The following RBFOX1 variants were observed in gnomAD, a reference collection of about 807,000 sequenced individuals.
The protein encoded by RBFOX1 is RNA binding fox-1 homolog 1.
Under a neutral mutation model 57.7 loss-of-function variants are expected in RBFOX1, and 8 were observed. That is an observed-to-expected ratio of 0.14 (90% CI 0.08 to 0.25). The LOEUF (loss-of-function observed/expected upper bound fraction) is 0.25. Ranked by LOEUF, RBFOX1 falls within the 10% of genes least tolerant of loss-of-function variation. The pLI is 1.00. For synonymous variants in RBFOX1, 326 were observed against 222.4 expected (o/e 1.47, Z -4.15); for missense variants, 611 against 548.5 (o/e 1.11, Z -1.14).
chr16:7,150,135 G>T (rs1231194807), intron 4 of RBFOX1, among the ~76,000 whole-genome samples: 1 of 152,022 alleles, frequency 6.6e-6, no homozygotes, highest in Non-Finnish European at 1.5e-5. Flanking sequence ...GGCTTTCATG[G>T]TCTGTTGATG....
chr16:6,547,112 A>G lies in RBFOX1; in HGVS notation c.-63-107491A>G, dbSNP rs758333549. Among the ~76,000 whole-genome samples, 3 of 152,306 alleles carry G rather than the reference A, an allele frequency of 2.0e-5. No individual in the cohort carries two copies. In the South Asian group the frequency reaches 6.2e-4, roughly 32 times the overall value. ...CCCTGCCCAACTCTATTGCATTGAG[A>G]ATAAAGTATCTGGCGCTCTTTTACT... On this transcript the variant is annotated intron_variant, in intron 2 of 15. Coordinates refer to ENST00000550418, the MANE Select transcript of RBFOX1 (RefSeq NM_018723.4).
At chr16:7,644,709 A>T (rs1178085909) in intron 11 of RBFOX1, among the ~76,000 whole-genome samples, 3 of 152,220 alleles carry the variant, frequency 2.0e-5, no homozygotes, top group Non-Finnish European at 4.4e-5. Flanking sequence ...AGTCCTCAGG[A>T]CATCCCTATA....
At chr16:5,627,893 G>A (rs969475802) in intron 3 of RBFOX1, among the ~76,000 whole-genome samples, 4 of 152,156 alleles carry the variant, frequency 2.6e-5, no homozygotes, top group East Asian at 3.8e-4. Flanking sequence ...CACAAGGGGG[G>A]TCCTGGAACA....
intron 4 of RBFOX1, among the ~76,000 whole-genome samples, chr16:7,312,537 A>T (rs2096339411): frequency 6.6e-6 from 1 of 152,130 alleles, no homozygotes; most frequent in Admixed American, 6.5e-5. Flanking sequence ...GACACAAGGG[A>T]CTTGGGTGTC....
chr16:6,981,438 T>A (rs11864369), intron 3 of RBFOX1, among the ~76,000 whole-genome samples: 3,789 of 152,296 alleles, frequency 0.025, 167 homozygotes, highest in African/African-American at 0.086. Flanking sequence ...TTCTTACTTT[T>A]GGATGCATAG....
At chr16:7,224,449 C>T (rs147025240) in intron 4 of RBFOX1, among the ~76,000 whole-genome samples, 12 of 152,256 alleles carry the variant, frequency 7.9e-5, no homozygotes, top group African/African-American at 2.9e-4. Flanking sequence ...CATCACCAGC[C>T]CAGTGCTTCT....
intron 2 of RBFOX1, among the ~76,000 whole-genome samples, chr16:6,571,362 T>C (rs534826530): frequency 6.6e-6 from 1 of 152,112 alleles, no homozygotes; most frequent in South Asian, 2.1e-4. Flanking sequence ...AAGGGCACAT[T>C]TGAAACCTAG....
intron 2 of RBFOX1, among the ~76,000 whole-genome samples, chr16:6,565,256 C>G (rs1316658427): frequency 1.9e-5 from 2 of 106,830 alleles, no homozygotes; most frequent in East Asian, 8.3e-4. Context: ...TTTTTCTTTT[C>G]TTTTCTTTTT....
chr16:7,196,867 G>C lies in RBFOX1; in HGVS notation c.27+144769G>C, dbSNP rs78912692. On this transcript the variant is annotated intron_variant, in intron 4 of 15. Transcript: ENST00000550418. Reference sequence around the variant, plus strand: ...GCATGTGCAAAGGGAAAAGGAAATGGAATTCTGAGCCAAAGGTAAATATGC... The same window carrying C: ...GCATGTGCAAAGGGAAAAGGAAATGCAATTCTGAGCCAAAGGTAAATATGC... Among the ~76,000 whole-genome samples the C allele has an allele frequency of 1.6e-4, 24 of 152,294 alleles. No individual in the cohort carries two copies. The East Asian group carries it at 4.4e-3, about 28-fold the overall frequency.
At chr16:5,362,985 G>C (rs2065596403) in intron 1 of RBFOX1, among the ~76,000 whole-genome samples, 1 of 147,618 alleles carries the variant, frequency 6.8e-6, no homozygotes, top group Non-Finnish European at 1.5e-5. Flanking sequence ...TAATGCCGTA[G>C]TAAACATGGG....
intron 1 of RBFOX1, among the ~76,000 whole-genome samples, chr16:5,406,065 C>G (rs1185579383): frequency 1.3e-5 from 2 of 152,144 alleles, no homozygotes; most frequent in African/African-American, 4.8e-5. Flanking sequence ...TTACTTGCAA[C>G]CAAAGGCATT....
intron 3 of RBFOX1, among the ~76,000 whole-genome samples, chr16:7,012,835 C>T (rs982433669): frequency 2.0e-5 from 3 of 152,036 alleles, no homozygotes; most frequent in South Asian, 2.1e-4. Flanking sequence ...AACAAAATGC[C>T]GTAGACTGGG....
chr16:6,707,048 A>C (rs35787523), intron 3 of RBFOX1, among the ~76,000 whole-genome samples: 15,000 of 152,236 alleles, frequency 0.099, 1,145 homozygotes, highest in African/African-American at 0.21. Flanking sequence ...CAGCCGAGGG[A>C]TAACCACTGT....
chr16:5,620,450 G>C (rs1353254895), intron 3 of RBFOX1, among the ~76,000 whole-genome samples: 1 of 152,160 alleles, frequency 6.6e-6, no homozygotes, highest in Non-Finnish European at 1.5e-5. Context: ...CACCCAGACT[G>C]ATCGCTTCAA....
chr16:5,403,521 G>T (rs986651787), intron 1 of RBFOX1, among the ~76,000 whole-genome samples: 1 of 152,052 alleles, frequency 6.6e-6, no homozygotes, highest in Non-Finnish European at 1.5e-5. Context: ...TTGGCTCACC[G>T]CAACCTCCTC....
At chr16:5,402,259 A>G (rs2066737728) in intron 1 of RBFOX1, among the ~76,000 whole-genome samples, 1 of 152,058 alleles carries the variant, frequency 6.6e-6, no homozygotes, top group Non-Finnish European at 1.5e-5. Flanking sequence ...TGGAGGATAA[A>G]TACCCAGAGC....
chr16:6,717,165 G>T (rs938323320), intron 3 of RBFOX1, among the ~76,000 whole-genome samples: 3 of 152,112 alleles, frequency 2.0e-5, no homozygotes, highest in African/African-American at 7.2e-5. Flanking sequence ...AAGATGCACG[G>T]TCTATGGTAT....
chr16:6,793,119 C>T (rs916399726), intron 3 of RBFOX1, among the ~76,000 whole-genome samples: 2 of 151,864 alleles, frequency 1.3e-5, no homozygotes, highest in African/African-American at 4.8e-5. Context: ...CATGGTACGC[C>T]TGCTGTCACC....
chr16:7,005,075 C>T (rs940105660), intron 3 of RBFOX1, among the ~76,000 whole-genome samples: 19 of 152,142 alleles, frequency 1.2e-4, no homozygotes, highest in African/African-American at 4.6e-4. Context: ...ATCCAGGAGG[C>T]AGAAGTTGCA....
Sources: allele counts gnomAD v4.1 joint callset (sites outside exome capture counted in the v4.1 genomes callset), GRCh38; gene constraint gnomAD v4.1.1; transcripts MANE v1.5; gene names NCBI Gene and HGNC (gene_info 2026-07-23, HGNC 2026-07-21).